Variants in PCDH9 observed in about 807,000 individuals in gnomAD.
PCDH9 encodes protocadherin-9.
PCDH9 carries 24 observed loss-of-function variants against 70.6 expected under a neutral mutation model. That is an observed-to-expected ratio of 0.34 (90% CI 0.25 to 0.48). The LOEUF is 0.48. Among genes scored for constraint, PCDH9 ranks in the 20% least tolerant of loss-of-function variants. The pLI, the probability that PCDH9 is intolerant of heterozygous loss-of-function variation, is 0.99. For synonymous variants in PCDH9, 562 were observed against 558.5 expected (o/e 1.01, Z -0.09); for missense variants, 1,281 against 1,503.6 (o/e 0.85, Z 2.45).
At chr13:66,881,058 T>A (rs1009432893) in intron 3 of PCDH9, among the ~76,000 whole-genome samples, 3 of 152,238 alleles carry the variant, frequency 2.0e-5, no homozygotes. Flanking sequence ...TCATGCAAAG[T>A]ATTTCAGATA....
intron 2 of PCDH9, among the ~76,000 whole-genome samples, chr13:66,941,695 G>A (rs1211478281): frequency 6.6e-6 from 1 of 151,790 alleles, no homozygotes; most frequent in Non-Finnish European, 1.5e-5. Flanking sequence ...AAGAGAACCT[G>A]ACAATCCTAA....
At chr13:67,099,485 CA>C (rs1196158971) in intron 2 of PCDH9, among the ~76,000 whole-genome samples, 1 of 152,094 alleles carries the variant, frequency 6.6e-6, no homozygotes, top group Non-Finnish European at 1.5e-5. Context: ...GTACCACAGT[CA>C]ATAAATTTGG....
chr13:66,559,833 T>A (rs9571597), intron 4 of PCDH9, among the ~76,000 whole-genome samples: 1 of 87,100 alleles, frequency 1.1e-5, no homozygotes, highest in African/African-American at 4.2e-5. Context: ...TATATATATA[T>A]ACACACACAC....
At chr13:66,519,384 G>A (rs1167809419) in intron 4 of PCDH9, among the ~76,000 whole-genome samples, 10 of 152,184 alleles carry the variant, frequency 6.6e-5, no homozygotes, top group South Asian at 2.1e-4. Flanking sequence ...ACTGGTAATA[G>A]GAAATGGGCA....
intron 3 of PCDH9, among the ~76,000 whole-genome samples, chr13:66,763,244 A>G (rs1446399593): frequency 1.3e-5 from 2 of 152,050 alleles, no homozygotes; most frequent in East Asian, 3.8e-4. Flanking sequence ...CATGATAAAT[A>G]CATATCAAAG....
chr13:66,601,123 C>T (rs1356326620), intron 4 of PCDH9, among the ~76,000 whole-genome samples: 1 of 145,290 alleles, frequency 6.9e-6, no homozygotes, highest in Non-Finnish European at 1.5e-5. Flanking sequence ...TTTATTCATA[C>T]AGCATATAAT....
rs11352387 is a variant in PCDH9 at position 66,312,610 on chromosome 13, C to CA, written c.3341-7583dup. Among the ~76,000 whole-genome samples, 943 of 137,526 alleles carry CA rather than the reference C, an allele frequency of 6.9e-3. 13 individuals carry two copies. The highest frequency in any genetic ancestry group is 0.014 in the South Asian group (59 of 4,272). 90.2% of individuals were successfully genotyped at this position (137,526 alleles called of 152,430 possible). On this transcript the variant is annotated intron_variant, in intron 4 of 4. Coordinates refer to ENST00000377865, the MANE Select transcript of PCDH9 (RefSeq NM_203487.3). ...TGGGAGATAGAGCGAGATCCTGCCT[C>CA]AAAAAAAAAAAAAAAATTACTCTAG...
chr13:66,781,575 T>C (rs78277472), intron 3 of PCDH9, among the ~76,000 whole-genome samples: 2,379 of 152,276 alleles, frequency 0.016, 74 homozygotes, highest in African/African-American at 0.052. Context: ...GAATACATTT[T>C]TTGGTGAAGA....
intron 2 of PCDH9, among the ~76,000 whole-genome samples, chr13:67,121,563 T>C (rs1306246689): frequency 1.3e-5 from 2 of 152,232 alleles, no homozygotes; most frequent in Non-Finnish European, 2.9e-5. Context: ...TCACACTTAC[T>C]AATCTTTTTT....
intron 3 of PCDH9, among the ~76,000 whole-genome samples, chr13:66,670,508 A>T (rs2078159321): frequency 6.6e-6 from 1 of 152,194 alleles, no homozygotes; most frequent in African/African-American, 2.4e-5. Context: ...CATCTTTTGA[A>T]ATACAGAAAC....
intron 2 of PCDH9, among the ~76,000 whole-genome samples, chr13:66,998,034 T>C (rs1301215371): frequency 1.3e-5 from 2 of 152,186 alleles, no homozygotes; most frequent in Admixed American, 6.5e-5. Flanking sequence ...TAGATGCAGA[T>C]TGTGATTTTT....
chr13:66,751,779 G>A (rs2079463140), intron 3 of PCDH9, among the ~76,000 whole-genome samples: 1 of 152,164 alleles, frequency 6.6e-6, no homozygotes, highest in Admixed American at 6.5e-5. Context: ...TAATTAGAAT[G>A]TAAATAGTTA....
intron 3 of PCDH9, among the ~76,000 whole-genome samples, chr13:66,713,628 T>C (rs1258897912): frequency 1.4e-4 from 9 of 66,660 alleles, no homozygotes; most frequent in African/African-American, 3.1e-4. Context: ...TGTGTGTGTA[T>C]ATATATATAT....
At chr13:67,204,802 A>G (rs917952000) in intron 2 of PCDH9, 2 of 152,200 alleles carry the variant, frequency 1.3e-5, no homozygotes, top group African/African-American at 4.8e-5. Flanking sequence ...AGCTAATTCA[A>G]CACATCACGT....
At position 66,398,265 on chromosome 13, in the gene PCDH9, G is replaced by A. The variant is rs150781386; in HGVS notation, c.3341-93237C>T. On this transcript the variant is annotated intron_variant, in intron 4 of 4. Coordinates refer to ENST00000377865, the MANE Select transcript of PCDH9 (RefSeq NM_203487.3). Reference sequence around the variant, plus strand: ...AAGGACAAGATTTTTAGTAAAGAGTGTAGAATTTTTTGGGTTGACATTTCT... The same window carrying A: ...AAGGACAAGATTTTTAGTAAAGAGTATAGAATTTTTTGGGTTGACATTTCT... 2.4e-3 allele frequency among the ~76,000 whole-genome samples: 365 copies of A among 152,236 alleles called. 1 individual carries two copies. The highest frequency in any genetic ancestry group is 8.2e-3 in the African/African-American group (342 of 41,564).
chr13:66,428,101 T>C (rs1378022887), intron 4 of PCDH9, among the ~76,000 whole-genome samples: 1 of 151,730 alleles, frequency 6.6e-6, no homozygotes, highest in African/African-American at 2.4e-5. Context: ...TAACAGTGTA[T>C]ATTATGTTCT....
chr13:66,873,940 C>CTTTTTT (rs528441546), intron 3 of PCDH9, among the ~76,000 whole-genome samples: 7 of 111,118 alleles, frequency 6.3e-5, no homozygotes, highest in Non-Finnish European at 9.2e-5. Flanking sequence ...TTCTTTCTTT[C>CTTTTTT]TTTTTTTTTT....
intron 2 of PCDH9, among the ~76,000 whole-genome samples, chr13:67,196,252 A>C (rs1312442331): frequency 3.3e-5 from 5 of 152,168 alleles, no homozygotes; most frequent in African/African-American, 1.2e-4. Flanking sequence ...TACCAGGTAT[A>C]GTAGCGCTAA....
intron 2 of PCDH9, among the ~76,000 whole-genome samples, chr13:67,133,465 A>G (rs1175208879): frequency 6.6e-6 from 1 of 152,184 alleles, no homozygotes; most frequent in East Asian, 1.9e-4. Flanking sequence ...TGGAATTCCT[A>G]CTTTGCTTAA....
Sources: allele counts gnomAD v4.1 joint callset (sites outside exome capture counted in the v4.1 genomes callset), GRCh38; gene constraint gnomAD v4.1.1; transcripts MANE v1.5; gene names NCBI Gene and HGNC (gene_info 2026-07-23, HGNC 2026-07-21).